Variants in CEP112 observed in about 807,000 individuals in gnomAD.
CEP112 encodes centrosomal protein 112.
Under a neutral mutation model 153.0 loss-of-function variants are expected in CEP112, and 127 were observed. The ratio of observed to expected loss-of-function variants is 0.83; its 90% CI spans 0.72 to 0.96. CEP112 has a LOEUF of 0.96. CEP112 is among the 40% of genes least tolerant of loss of function. The pLI, the probability that CEP112 is intolerant of heterozygous loss-of-function variation, is 0.00. For synonymous variants in CEP112, 358 were observed against 374.4 expected (o/e 0.96, Z 0.51); for missense variants, 1,089 against 1,101.2 (o/e 0.99, Z 0.16).
At chr17:66,108,475 A>G (rs2068879687) in intron 6 of CEP112, among the ~76,000 whole-genome samples, 1 of 152,220 alleles carries the variant, frequency 6.6e-6, no homozygotes, top group Admixed American at 6.5e-5. Context: ...CATGTCTTAA[A>G]AGAAGACATA....
At chr17:65,804,542 A>T (rs958618266) in intron 21 of CEP112, 1 of 152,206 alleles carries the variant, frequency 6.6e-6, no homozygotes, top group East Asian at 1.9e-4. Context: ...TTTAAAAAGT[A>T]TCTTCTCTGA....
chr17:65,901,365 C>T (rs563673750), intron 20 of CEP112, among the ~76,000 whole-genome samples: 1 of 152,236 alleles, frequency 6.6e-6, no homozygotes, highest in South Asian at 2.1e-4. Context: ...TGCAATTTCA[C>T]AGCAATCTCA....
intron 23 of CEP112, among the ~76,000 whole-genome samples, chr17:65,742,757 T>C (rs541749563): frequency 6.6e-6 from 1 of 152,336 alleles, no homozygotes; most frequent in East Asian, 1.9e-4. Flanking sequence ...GCTCAAACAG[T>C]CATTCTAATT....
rs192859301 is a variant in CEP112, at chr17:65,924,080, C to A, written c.1980+3502G>T. Among the ~76,000 whole-genome samples the A allele has an allele frequency of 2.0e-5, 3 of 152,110 alleles. No individual in the cohort carries two copies. In the East Asian group the frequency reaches 5.8e-4, roughly 29 times the overall value. ...CAGACTCCACCTCCCAGGTTCACAC[C>A]ATTCTCCTGCCTCAGCCTCTCGAGT... is the stretch of plus-strand genomic sequence containing the variant. On this transcript the variant is annotated intron_variant, in intron 19 of 26. Coordinates refer to ENST00000535342, the MANE Select transcript of CEP112 (RefSeq NM_001199165.4).
At chr17:65,892,920 G>T (rs1024958960) in intron 20 of CEP112, among the ~76,000 whole-genome samples, 3 of 152,048 alleles carry the variant, frequency 2.0e-5, no homozygotes, top group Non-Finnish European at 4.4e-5. Flanking sequence ...TGAAAATAAC[G>T]AAATAAGTAA....
intron 16 of CEP112, among the ~76,000 whole-genome samples, chr17:66,016,011 A>C (rs573414509): frequency 6.6e-6 from 1 of 152,306 alleles, no homozygotes; most frequent in Admixed American, 6.5e-5. Flanking sequence ...AATCTGACCT[A>C]ACCCAACCAG....
chr17:65,826,055 A>G, intron 21 of CEP112: 3 of 1,361,988 alleles, frequency 2.2e-6, no homozygotes, highest in Non-Finnish European at 3.1e-6. Flanking sequence ...ATGAATTACC[A>G]ATGCCTAACT....
At chr17:66,008,729 T>C (rs866774026) in intron 16 of CEP112, among the ~76,000 whole-genome samples, 2 of 151,486 alleles carry the variant, frequency 1.3e-5, no homozygotes, top group Non-Finnish European at 3.0e-5. Context: ...CACCATTCTA[T>C]TATCTGATTC....
intron 21 of CEP112, among the ~76,000 whole-genome samples, chr17:65,839,243 G>T (rs571825379): frequency 6.6e-6 from 1 of 152,026 alleles, no homozygotes; most frequent in East Asian, 1.9e-4. Context: ...CATGAACATA[G>T]ATGTAAAAAT....
intron 4 of CEP112, among the ~76,000 whole-genome samples, chr17:66,157,043 C>G (rs573214960): frequency 6.6e-6 from 1 of 152,250 alleles, no homozygotes; most frequent in East Asian, 1.9e-4. Context: ...CAAAGACACT[C>G]CTCAAGAAGA....
At chr17:65,822,524 T>C (rs916235359) in intron 21 of CEP112, among the ~76,000 whole-genome samples, 3 of 152,218 alleles carry the variant, frequency 2.0e-5, no homozygotes, top group African/African-American at 7.2e-5. Flanking sequence ...CTTTTTATTG[T>C]TATATTGTTA....
intron 4 of CEP112, among the ~76,000 whole-genome samples, chr17:66,161,192 G>A (rs1249149415): frequency 1.3e-5 from 2 of 152,212 alleles, no homozygotes; most frequent in African/African-American, 2.4e-5. Context: ...AACAGATGCT[G>A]GAGAGGATGT....
At chr17:66,001,704 A>G (rs1293335695) in intron 17 of CEP112, among the ~76,000 whole-genome samples, 8 of 152,210 alleles carry the variant, frequency 5.3e-5, no homozygotes, top group Non-Finnish European at 1.0e-4. Flanking sequence ...AAAAAATTAA[A>G]TTTGATAACA....
chr17:66,145,250 T>C (rs2070873309), intron 4 of CEP112, among the ~76,000 whole-genome samples: 2 of 152,196 alleles, frequency 1.3e-5, no homozygotes, highest in African/African-American at 4.8e-5. Flanking sequence ...TGTGCTCCCT[T>C]AAGTTGTAAG....
chr17:65,803,388 T>C lies in CEP112; in HGVS notation c.2394+48416A>G, dbSNP rs77960111. On this transcript the variant is annotated intron_variant, in intron 21 of 26. Coordinates refer to ENST00000535342, the MANE Select transcript of CEP112 (RefSeq NM_001199165.4). ...AAACAATAAATGAAGAAATGAAGATTAGAGTGGAGATATATCAATATCCCC... is the reference window on the plus strand; with the variant it reads ...AAACAATAAATGAAGAAATGAAGATCAGAGTGGAGATATATCAATATCCCC... Among the ~76,000 whole-genome samples the C allele has an allele frequency of 2.0e-4, 31 of 152,344 alleles. No individual in the cohort carries two copies. In the East Asian group the frequency reaches 5.8e-3, roughly 28 times the overall value.
chr17:65,871,658 TTAAA>T (rs2058675539), intron 20 of CEP112, among the ~76,000 whole-genome samples: 1 of 152,068 alleles, frequency 6.6e-6, no homozygotes, highest in Non-Finnish European at 1.5e-5. Flanking sequence ...ATTAATTAAA[TTAAA>T]TAAATAAATA....
intron 23 of CEP112, among the ~76,000 whole-genome samples, chr17:65,720,919 AC>A (rs2049836064): frequency 6.6e-6 from 1 of 152,066 alleles, no homozygotes; most frequent in African/African-American, 2.4e-5. Context: ...GTTTGAGATC[AC>A]ATAGTTTCTA....
In CEP112 at chr17:66,066,532, C is replaced by A. The variant is rs144459234; in HGVS notation, c.955+246G>T. Among the ~76,000 whole-genome samples, 268 of 151,944 alleles carry A rather than the reference C, an allele frequency of 1.8e-3. 1 individual carries two copies. The highest frequency in any genetic ancestry group is 6.3e-3 in the African/African-American group (262 of 41,452). Reference sequence around the variant, plus strand: ...TACTCTTCCAACTCTGTATCTAAACCAACCACCAGTACTACTCCATCACTG... The same window carrying A: ...TACTCTTCCAACTCTGTATCTAAACAAACCACCAGTACTACTCCATCACTG... On this transcript the variant is annotated intron_variant, in intron 10 of 26. Coordinates refer to ENST00000535342, the MANE Select transcript of CEP112 (RefSeq NM_001199165.4).
At position 65,818,029 on chromosome 17, in the gene CEP112, C is replaced by G. The variant is rs555716484; in HGVS notation, c.2394+33775G>C. Among the ~76,000 whole-genome samples, 9 of 151,882 alleles carry G rather than the reference C, an allele frequency of 5.9e-5. No individual in the cohort carries two copies. The East Asian group carries it at 1.7e-3, about 29-fold the overall frequency. On this transcript the variant is annotated intron_variant, in intron 21 of 26. Coordinates refer to ENST00000535342, the MANE Select transcript of CEP112 (RefSeq NM_001199165.4). ...CTGATCAATTATGACGCCTTTTCTT[C>G]TTCGTATTGTCAACACTTAACACGC... is the stretch of plus-strand genomic sequence containing the variant.
Sources: allele counts gnomAD v4.1 joint callset (sites outside exome capture counted in the v4.1 genomes callset), GRCh38; gene constraint gnomAD v4.1.1; transcripts MANE v1.5; gene names NCBI Gene and HGNC (gene_info 2026-07-23, HGNC 2026-07-21).